Variants in EIF4G2 observed in about 807,000 individuals in gnomAD.
The protein encoded by EIF4G2 is DAP-5.
Under a neutral mutation model 117.7 loss-of-function variants are expected in EIF4G2, and 8 were observed. The observed-to-expected ratio is 0.07, with a 90% CI of 0.04 to 0.12. EIF4G2 has a LOEUF of 0.12. Among genes scored for constraint, EIF4G2 ranks in the 10% least tolerant of loss-of-function variants. EIF4G2 has a pLI of 1.00. For synonymous variants in EIF4G2, 413 were observed against 367.8 expected (o/e 1.12, Z -1.41); for missense variants, 812 against 1,086.2 (o/e 0.75, Z 3.55).
chr11:10,798,860 GA>G (rs1847339167), intron 21 of EIF4G2, 131 bp downstream of exon 21: 1 of 1,034,794 alleles, frequency 9.7e-7, no homozygotes, highest in Admixed American at 2.4e-5. Flanking sequence ...AGTGCAGAAT[GA>G]AATGTACAGG....
At chr11:10,801,325 T>C (rs1590040671) in intron 14 of EIF4G2, 2 of 639,486 alleles carry the variant, frequency 3.1e-6, no homozygotes, top group East Asian at 5.7e-5. Flanking sequence ...TTAGCATGAC[T>C]AAAATATTCA....
intron 1 of EIF4G2, chr11:10,807,768 G>A: frequency 2.0e-6 from 2 of 991,256 alleles, no homozygotes; most frequent in Non-Finnish European, 2.4e-6. Flanking sequence ...GCGACTAGAT[G>A]AGGTCTCTCC....
chr11:10,808,368 G>A (rs1176748726), intron 1 of EIF4G2: 1 of 1,215,596 alleles, frequency 8.2e-7, no homozygotes, highest in Non-Finnish European at 1.0e-6. Context: ...CGTGCCTCCC[G>A]CCACGGCGCT....
chr11:10,808,014 C>A, intron 1 of EIF4G2: 1 of 1,033,592 alleles, frequency 9.7e-7, no homozygotes, highest in Non-Finnish European at 1.2e-6. Flanking sequence ...ACAACCTCCC[C>A]GCGAGGCCCG....
At chr11:10,807,067 C>T (rs1238495177) in intron 2 of EIF4G2, 182 bp from the exon 3 acceptor site, 2 of 1,150,798 alleles carry the variant, frequency 1.7e-6, no homozygotes, top group African/African-American at 3.1e-5. Context: ...TGAACTCGGA[C>T]CCAAAGGAAA....
intron 21 of EIF4G2, 50 bp downstream of exon 21, chr11:10,798,942 A>G: frequency 6.4e-7 from 1 of 1,574,290 alleles, no homozygotes; most frequent in East Asian, 2.2e-5. Context: ...CTTGAAGTTA[A>G]TACCAAGCAA....
chr11:10,804,937 G>C lies in EIF4G2; in HGVS notation c.327C>G (p.Leu109=), dbSNP rs561996419. The C allele has an allele frequency of 6.2e-7, 1 of 1,614,032 alleles. No homozygotes were observed. The highest frequency in any genetic ancestry group is 1.3e-5 in the African/African-American group (1 of 75,030). The stretch of plus-strand genomic sequence containing the variant: ...CCAGCAGTATGACCCCTTTAAGGAT[G>C]AGTTTAGACTCTACACCCACATTGA... The change falls in exon 5 of 22, where the codon CTC becomes CTG. Residue 109 remains leucine (L), a synonymous_variant. Coordinates refer to ENST00000339995, the MANE Select transcript of EIF4G2 (RefSeq NM_001418.4).
Position 10,804,893 on chromosome 11 carries a change from A to G in EIF4G2, c.351+20T>C, listed in dbSNP as rs1414100384. The G allele has an allele frequency of 6.3e-6, 10 of 1,589,348 alleles. No individual in the cohort carries two copies. The Admixed American group carries it at 1.5e-4, about 24-fold the overall frequency. ...ACAGTTCCCTCTCCCTTTTGAGTTA[A>G]GCCAATATTTAAAACTTACCAGCAG... On this transcript the variant is annotated intron_variant, in intron 5 of 21. Transcript: ENST00000339995.
rs751718228 is a variant in EIF4G2, at chr11:10,804,982, G to A, written c.282C>T (p.Asp94=). Residue 94 remains aspartate (D), a synonymous_variant, in exon 5 of 22, where the codon GAC becomes GAT. Coordinates refer to ENST00000339995, the MANE Select transcript of EIF4G2 (RefSeq NM_001418.4). ...CATTGAGGAGCTCAAGGCATAGCTT[G>A]TCAAACTTTTCAGGAGTAAGCTTAT... 6.2e-7 allele frequency: 1 copy of A among 1,614,086 alleles called. No homozygotes were observed. Among genetic ancestry groups the A allele is most frequent in the Admixed American group, 1.7e-5 (1 of 60,024 alleles).
intron 1 of EIF4G2, chr11:10,808,312 G>A: frequency 1.6e-6 from 2 of 1,212,738 alleles, no homozygotes; most frequent in Non-Finnish European, 1.0e-6. Context: ...GGACGCCTGC[G>A]GTTCCCTGGT....
chr11:10,799,056 G>C lies in EIF4G2; in HGVS notation c.2594C>G (p.Ala865Gly). 1.2e-6 allele frequency: 2 copies of C among 1,609,618 alleles called. No individual in the cohort carries two copies. The highest frequency in any genetic ancestry group is 8.5e-7 in the Non-Finnish European group (1 of 1,179,226). The change falls in exon 21 of 22, where the codon GCT becomes GGT. Residue 865 changes from alanine (A) to glycine (G), a missense_variant. Ala to Gly is a moderately conservative substitution (Grantham distance 60). This residue lies in a region of EIF4G2 where 571 missense variants were observed against 642.3 expected (regional missense o/e 0.89). Coordinates refer to ENST00000339995, the MANE Select transcript of EIF4G2 (RefSeq NM_001418.4). ...TATATCTTCTTTCCAAGCCAAGAAAGCTTCTTCTTCAATAATTTCCATGTC... is the reference window on the plus strand; with the variant it reads ...TATATCTTCTTTCCAAGCCAAGAAACCTTCTTCTTCAATAATTTCCATGTC...
Position 10,802,334 on chromosome 11 carries a change from G to C in EIF4G2, c.1098C>G (p.Asp366Glu), listed in dbSNP as rs984835905. The C allele has an allele frequency of 2.2e-5, 36 of 1,613,640 alleles. No homozygotes were observed. Among genetic ancestry groups the C allele is most frequent in the Non-Finnish European group, 2.9e-5 (34 of 1,179,928 alleles). ...ACATATCAGCAAGTCCTCCAAGTGG[G>C]TCCCTATCCATTTTCATCCTGGGTG... The change falls in exon 12 of 22, where the codon GAC (aspartate) becomes GAG (glutamate). Residue 366 changes from aspartate to glutamate, a missense_variant. This residue lies in a region of EIF4G2 where 571 missense variants were observed against 642.3 expected (regional missense o/e 0.89). Coordinates refer to ENST00000339995, the MANE Select transcript of EIF4G2 (RefSeq NM_001418.4).
intron 4 of EIF4G2, 75 bp downstream of exon 4, chr11:10,805,832 A>G: frequency 6.3e-7 from 1 of 1,599,764 alleles, no homozygotes; most frequent in Non-Finnish European, 8.6e-7. Context: ...TTGCCTTCTT[A>G]GTAATACAGC....
rs1038214398 is a variant in EIF4G2, at chr11:10,803,705, T to G, written c.703-115A>C. On this transcript the variant is annotated intron_variant, in intron 8 of 21. Transcript: ENST00000339995. This position sits in a 1 kb window ranked among gnomAD's most constrained non-coding sequence, Gnocchi z 4.0. Reference sequence around the variant, plus strand: ...TTCACAGTTCCTACAGAATCTAGTATAGGGCTTTCTACCAGTCTGGTTGAT... The same window carrying G: ...TTCACAGTTCCTACAGAATCTAGTAGAGGGCTTTCTACCAGTCTGGTTGAT... 5.3e-6 allele frequency: 6 copies of G among 1,125,838 alleles called. No individual in the cohort carries two copies. Among genetic ancestry groups the G allele is most frequent in the Non-Finnish European group, 7.7e-6 (6 of 775,530 alleles). 69.7% of individuals were successfully genotyped at this position (1,125,838 alleles called of 1,614,324 possible).
chr11:10,799,910 C>T lies in EIF4G2; in HGVS notation c.2120-154G>A, dbSNP rs549125864. Reference sequence around the variant, plus strand: ...CAGCAAATGAAAAAAACTCAACATACGGATCAAATGAAAGTAGTTAAATTA... The same window carrying T: ...CAGCAAATGAAAAAAACTCAACATATGGATCAAATGAAAGTAGTTAAATTA... On this transcript the variant is annotated intron_variant, in intron 18 of 21. Transcript: ENST00000339995. The T allele has an allele frequency of 2.0e-4, 230 of 1,149,374 alleles. No individual in the cohort carries two copies. In the African/African-American group the frequency reaches 3.2e-3, roughly 16 times the overall value. The allele number at this position is 1,149,374 out of a possible 1,614,324, so 71.2% of individuals were successfully genotyped here. A position where few individuals can be genotyped will look rare whatever the true frequency, so the allele number is the denominator to read the frequency against.
chr11:10,801,549 C>T lies in EIF4G2; in HGVS notation c.1413+112G>A, dbSNP rs1017112770. The stretch of plus-strand genomic sequence containing the variant: ...AAGAAGTATAGAAAAGAGAGAAAAA[C>T]GTCAAGAACTCCAGCATAAAGTCCT... On this transcript the variant is annotated intron_variant, in intron 14 of 21. Coordinates refer to ENST00000339995, the MANE Select transcript of EIF4G2 (RefSeq NM_001418.4). 4 of 974,168 alleles carry T rather than the reference C, an allele frequency of 4.1e-6. No homozygotes were observed. The Admixed American group carries it at 5.1e-5, about 12-fold the overall frequency. 60.3% of individuals were successfully genotyped at this position (974,168 alleles called of 1,614,324 possible).
chr11:10,805,348 C>T (rs866971906), intron 4 of EIF4G2, among the ~76,000 whole-genome samples: 1 of 152,204 alleles, frequency 6.6e-6, no homozygotes, highest in Non-Finnish European at 1.5e-5. Flanking sequence ...CATAGCACTT[C>T]CCTTAGTCAA....
chr11:10,803,637 T>C lies in EIF4G2; in HGVS notation c.703-47A>G. On this transcript the variant is annotated intron_variant, in intron 8 of 21. Coordinates refer to ENST00000339995, the MANE Select transcript of EIF4G2 (RefSeq NM_001418.4). This position sits in a 1 kb window ranked among gnomAD's most constrained non-coding sequence, Gnocchi z 4.0. ...GTGACAAAGTTTTAGTTACTCTGGT[T>C]TAGGCGTAGTACTTTCTTTCCCTTT... 6.7e-7 allele frequency: 1 copy of C among 1,491,062 alleles called. No homozygotes were observed. The highest frequency in any genetic ancestry group is 9.3e-7 in the Non-Finnish European group (1 of 1,073,626). 92.4% of individuals were successfully genotyped at this position (1,491,062 alleles called of 1,614,324 possible).
At position 10,805,946 on chromosome 11, in the gene EIF4G2, T is replaced by C. The variant is rs746185062; in HGVS notation, c.209A>G (p.Glu70Gly). The C allele has an allele frequency of 3.1e-6, 5 of 1,614,260 alleles. No homozygotes were observed. The South Asian group carries it at 5.5e-5, about 18-fold the overall frequency. Residue 70 changes from glutamate to glycine, a missense_variant, in exon 4 of 22, where the codon GAA becomes GGA. This residue lies in a region of EIF4G2 where 79 missense variants were observed against 91.5 expected (regional missense o/e 0.86). Transcript: ENST00000339995. ...GAAGATTGCATCATGTCGTTCTTTT[T>C]CGTTTGCGGAGTTGTTTGCTGCGGA...
Sources: gnomAD v4.1 joint callset for allele counts (sites outside exome capture counted in the v4.1 genomes callset) on GRCh38, gnomAD v4.1.1 for gene constraint, gnomAD v4.1.1 regional missense constraint, Gnocchi (gnomAD v3.1) non-coding constraint, MANE v1.5 for transcripts, NCBI Gene and HGNC (gene_info 2026-07-23, HGNC 2026-07-21) for gene names.